The following GATAD1 variants were observed in gnomAD, a reference collection of about 807,000 sequenced individuals.
GATAD1 encodes GATA zinc finger domain-containing protein 1.
GATAD1 carries 12 observed loss-of-function variants against 26.5 expected under a neutral mutation model. The observed-to-expected ratio is 0.45, with a 90% CI of 0.29 to 0.73. The LOEUF is 0.73. Ranked by LOEUF, GATAD1 falls within the 30% of genes least tolerant of loss-of-function variation. The pLI is 0.10. For missense variants in GATAD1, 266 were observed against 342.1 expected (o/e 0.78, Z 1.75); for synonymous variants, 129 against 133.1 (o/e 0.97, Z 0.21).
the GATAD1 span, chr7:92,491,734 T>C: frequency 2.1e-6 from 1 of 481,904 alleles, no homozygotes; most frequent in Non-Finnish European, 3.7e-6. Context: ...CCCAAGAAAG[T>C]CTGTAATGAA....
At chr7:92,492,870 A>T in the GATAD1 span, 8 of 1,040,488 alleles carry the variant, frequency 7.7e-6, no homozygotes, top group Admixed American at 1.4e-4. Flanking sequence ...TTTAAAAAAT[A>T]GCATTTTTTA....
At chr7:92,460,561 CAATA>C (rs923686015), downstream of GATAD1, among the ~76,000 whole-genome samples, 1 of 152,046 alleles carries the variant, frequency 6.6e-6, no homozygotes, top group Non-Finnish European at 1.5e-5. Context: ...GAAAGGTTCA[CAATA>C]AATAAGAGAA....
Position 92,447,710 on chromosome 7 carries a change from G to T in GATAD1, c.-20G>T. 6.9e-7 allele frequency: 1 copy of T among 1,446,490 alleles called. No individual in the cohort carries two copies. The highest frequency in any genetic ancestry group is 9.1e-7 in the Non-Finnish European group (1 of 1,099,030). The allele number at this position is 1,446,490 out of a possible 1,614,324, so 89.6% of individuals were successfully genotyped here. On this transcript the variant is annotated 5_prime_UTR_variant, in exon 1 of 5. Coordinates refer to ENST00000287957, the MANE Select transcript of GATAD1 (RefSeq NM_021167.5). ...ATTCCCGTGTCTCTGCGCCCGCGGG[G>T]GCCGCCCGAGCCGGCCACCATGCCG...
In GATAD1 at chr7:92,457,923, G is replaced by A. The variant is rs1169198103; in HGVS notation, c.*1361G>A. On this transcript the variant is annotated 3_prime_UTR_variant, in exon 5 of 5. Coordinates refer to ENST00000287957, the MANE Select transcript of GATAD1 (RefSeq NM_021167.5). ...AGGCCTGAGTGGATGGATCACTTGA[G>A]GTCAGGAGTTCAGGACCAGCCTGGC... 1 of 152,306 alleles carries A rather than the reference G, an allele frequency of 6.6e-6. No homozygotes were observed. Among genetic ancestry groups the A allele is most frequent in the East Asian group, 1.9e-4 (1 of 5,168 alleles). The allele number at this position is 152,306 out of a possible 1,614,324, so 9.4% of individuals were successfully genotyped here.
chr7:92,464,333 A>G (rs1281887027), downstream of GATAD1, among the ~76,000 whole-genome samples: 1 of 152,218 alleles, frequency 6.6e-6, no homozygotes, highest in African/African-American at 2.4e-5. Context: ...TTGAGAACTC[A>G]GGAGACGTGC....
chr7:92,465,914 T>C, the GATAD1 span, among the ~76,000 whole-genome samples: 3 of 151,938 alleles, frequency 2.0e-5, no homozygotes, highest in Admixed American at 6.6e-5. Context: ...GGCAGGAGAA[T>C]CACTTGAACC....
intron 4 of GATAD1, 108 bp downstream of exon 4, chr7:92,454,793 C>A (rs555377284): frequency 6.7e-4 from 484 of 722,610 alleles, no homozygotes; most frequent in Non-Finnish European, 9.5e-4. Flanking sequence ...ATATCACAGA[C>A]TGAGTGGCTT....
At chr7:92,477,283 T>G in the GATAD1 span, 7 of 152,376 alleles carry the variant, frequency 4.6e-5, no homozygotes, top group African/African-American at 1.7e-4. Context: ...GTGGCCACAC[T>G]AATCGTTTTT....
rs1325617843 is a variant in GATAD1, at chr7:92,449,517, A to T, written c.375+640A>T. The T allele has an allele frequency of 3.7e-5, 36 of 975,506 alleles. No homozygotes were observed. In the Admixed American group the frequency reaches 2.2e-3, roughly 60 times the overall value. 60.4% of individuals were successfully genotyped at this position (975,506 alleles called of 1,614,324 possible). On this transcript the variant is annotated intron_variant, in intron 2 of 4. Coordinates refer to ENST00000287957, the MANE Select transcript of GATAD1 (RefSeq NM_021167.5). ...AATGTTCAAACACAGTGGACAGTGC[A>T]TTATGGACTATTTTTTTAAGTCTCA... is the stretch of plus-strand genomic sequence containing the variant.
the GATAD1 span, chr7:92,477,844 G>T: frequency 6.0e-6 from 1 of 166,312 alleles, no homozygotes; most frequent in Non-Finnish European, 1.3e-5. Flanking sequence ...AGCTCGAGCC[G>T]TAAGAAACAT....
downstream of GATAD1, among the ~76,000 whole-genome samples, chr7:92,462,072 A>T (rs1562825605): frequency 6.6e-6 from 1 of 152,236 alleles, no homozygotes; most frequent in Non-Finnish European, 1.5e-5. Flanking sequence ...TCTTAAAAGT[A>T]TTAAAAGTAC....
Position 92,459,290 on chromosome 7 carries a change from A to G in GATAD1, c.*2728A>G, listed in dbSNP as rs1055960. On this transcript the variant is annotated 3_prime_UTR_variant, in exon 5 of 5. Coordinates refer to ENST00000287957, the MANE Select transcript of GATAD1 (RefSeq NM_021167.5). ...ATAAGTAACAGATTTTAGGAAAATC[A>G]AAAAATGGCTAATAAAATGAACACA... 6.6e-6 allele frequency: 1 copy of G among 152,198 alleles called. No homozygotes were observed. The highest frequency in any genetic ancestry group is 6.6e-5 in the Admixed American group (1 of 15,264). The allele number at this position is 152,198 out of a possible 1,614,324, so 9.4% of individuals were successfully genotyped here.
At chr7:92,461,064 C>T (rs939600862), downstream of GATAD1, among the ~76,000 whole-genome samples, 7 of 152,112 alleles carry the variant, frequency 4.6e-5, no homozygotes, top group African/African-American at 1.7e-4. Context: ...GAATGACCAG[C>T]TGAGAAAATA....
the GATAD1 span, among the ~76,000 whole-genome samples, chr7:92,481,662 C>A: frequency 3.9e-5 from 6 of 152,294 alleles, no homozygotes; most frequent in South Asian, 1.2e-3. Context: ...AGTGTGGGAG[C>A]AGTCTCTAAA....
In GATAD1 at chr7:92,447,941, C is replaced by T; in HGVS notation, c.212C>T (p.Thr71Ile). Residue 71 changes from threonine (T) to isoleucine (I), a missense_variant, in exon 1 of 5, where the codon ACC becomes ATC. Thr to Ile is a moderately conservative substitution (Grantham distance 89). Coordinates refer to ENST00000287957, the MANE Select transcript of GATAD1 (RefSeq NM_021167.5). ...GAATFASTSA[T>I]PPQSNGGGGG... ...GCGACCTTCGCCAGCACCTCCGCCA[C>T]CCCTCCGCAGAGCAACGGGGGCGGG... 8.1e-7 allele frequency: 1 copy of T among 1,238,682 alleles called. No homozygotes were observed. The allele number at this position is 1,238,682 out of a possible 1,614,324, so 76.7% of individuals were successfully genotyped here.
At chr7:92,485,479 T>G in the GATAD1 span, among the ~76,000 whole-genome samples, 2 of 152,208 alleles carry the variant, frequency 1.3e-5, no homozygotes, top group African/African-American at 4.8e-5. Flanking sequence ...TTCTCACACC[T>G]AGGTCAGACT....
rs561474424 is a variant in GATAD1, at chr7:92,460,064, T to A, written c.*3502T>A. Among the ~76,000 whole-genome samples the A allele has an allele frequency of 1.6e-4, 25 of 152,348 alleles. No individual in the cohort carries two copies. Among genetic ancestry groups the A allele is most frequent in the African/African-American group, 5.3e-4 (22 of 41,584 alleles). On this transcript the variant is annotated 3_prime_UTR_variant, in exon 5 of 5. Transcript: ENST00000287957. Reference sequence around the variant, plus strand: ...ACAAATAAAGCTTAATATGAGTATTTGAAGGAAATTATCCCAAACCATTCC... The same window carrying A: ...ACAAATAAAGCTTAATATGAGTATTAGAAGGAAATTATCCCAAACCATTCC...
chr7:92,460,764 G>A (rs1209395783), downstream of GATAD1, among the ~76,000 whole-genome samples: 1 of 130,536 alleles, frequency 7.7e-6, no homozygotes, highest in African/African-American at 2.9e-5. Context: ...TGATAGAAGT[G>A]AGACCTTCTC....
chr7:92,466,727 G>C, the GATAD1 span, among the ~76,000 whole-genome samples: 1 of 152,150 alleles, frequency 6.6e-6, no homozygotes, highest in Non-Finnish European at 1.5e-5. Flanking sequence ...CCTCAACTAA[G>C]AGAACTTGAC....
Sources: allele counts gnomAD v4.1 joint callset (sites outside exome capture counted in the v4.1 genomes callset), GRCh38; gene constraint gnomAD v4.1.1; transcripts MANE v1.5; gene names NCBI Gene and HGNC (gene_info 2026-07-23, HGNC 2026-07-21).